Variants in ZNF500 observed in about 807,000 individuals in gnomAD.
The protein encoded by ZNF500 is zinc finger protein with KRAB and SCAN domains 18.
ZNF500 carries 31 observed loss-of-function variants against 30.1 expected under a neutral mutation model. The observed-to-expected ratio is 1.03, with a 90% CI of 0.77 to 1.39. The LOEUF is 1.39. Ranked by LOEUF, ZNF500 falls within the 40% of genes most tolerant of loss-of-function variation. The pLI is 0.00. For synonymous variants in ZNF500, 392 were observed against 282.0 expected (o/e 1.39, Z -3.91); for missense variants, 817 against 657.8 (o/e 1.24, Z -2.65).
chr16:4,752,462 G>C lies in ZNF500; in HGVS notation c.1357C>G (p.His453Asp), dbSNP rs550001884. 2.1e-5 allele frequency: 33 copies of C among 1,543,340 alleles called. No homozygotes were observed. The South Asian group carries it at 3.6e-4, about 17-fold the overall frequency. Residue 453 changes from histidine (H) to aspartate (D), a missense_variant, in exon 6 of 6, where the codon CAC (histidine) becomes GAC (aspartate). His to Asp is a moderately conservative substitution (Grantham distance 81). Coordinates refer to ENST00000219478, the MANE Select transcript of ZNF500 (RefSeq NM_021646.4). Reference protein sequence around the residue: ...GRGFRRGTDLHKHQRTHMGAG... With the variant: ...GRGFRRGTDLDKHQRTHMGAG... ...CCCATGTGGGTCCGCTGGTGCTTGT[G>C]CAGGTCGGTGCCCCGGCGGAAGCCC...
chr16:4,755,347 C>T (rs949154870), intron 5 of ZNF500, among the ~76,000 whole-genome samples: 1 of 151,994 alleles, frequency 6.6e-6, no homozygotes, highest in Non-Finnish European at 1.5e-5. Context: ...GATGGAGTCT[C>T]GCTCTGTCTT....
At chr16:4,762,828 C>T in intron 2 of ZNF500, 72 bp from the exon 3 acceptor site, 2 of 1,493,232 alleles carry the variant, frequency 1.3e-6, no homozygotes, top group Non-Finnish European at 1.8e-6. Context: ...GGGCCCCACA[C>T]CCCTCATCTC....
Position 4,753,069 on chromosome 16 carries a change from G to A in ZNF500, c.761-11C>T. 2 of 1,507,030 alleles carry A rather than the reference G, an allele frequency of 1.3e-6. No homozygotes were observed. Among genetic ancestry groups the A allele is most frequent in the Non-Finnish European group, 1.8e-6 (2 of 1,134,832 alleles). 93.4% of individuals were successfully genotyped at this position (1,507,030 alleles called of 1,614,324 possible). A position where few individuals can be genotyped will look rare whatever the true frequency, so the allele number is the denominator to read the frequency against. On this transcript the variant is annotated splice_polypyrimidine_tract_variant and intron_variant, in intron 5 of 5. Transcript: ENST00000219478. ...ACTGGATCCCAGGTCCTGAGACAGA[G>A]AAAGCACGATCTCTAGGAACTCACA...
intron 2 of ZNF500, chr16:4,763,910 G>A (rs1163578184): frequency 2.0e-6 from 2 of 985,436 alleles, no homozygotes; most frequent in Non-Finnish European, 2.4e-6. Flanking sequence ...CAGCAGCACT[G>A]CCACAGGAAG....
chr16:4,753,313 C>T (rs924462059), intron 5 of ZNF500: 9 of 587,192 alleles, frequency 1.5e-5, no homozygotes, highest in Admixed American at 3.9e-5. Flanking sequence ...ATAAACAAAA[C>T]TAGCTGGGCA....
downstream of ZNF500, chr16:4,746,644 A>G: frequency 7.9e-7 from 1 of 1,257,956 alleles, no homozygotes; most frequent in Non-Finnish European, 1.1e-6. Flanking sequence ...TCTCAATTGA[A>G]AAGTGCTGGC....
rs1392323922 is a variant in ZNF500, at chr16:4,749,442, G to C, written c.*2934C>G. On this transcript the variant is annotated 3_prime_UTR_variant, in exon 6 of 6. Coordinates refer to ENST00000219478, the MANE Select transcript of ZNF500 (RefSeq NM_021646.4). The stretch of plus-strand genomic sequence containing the variant: ...CAAGGCAAGGGGAGTGAGGTAGGAA[G>C]TCAGACCTGCGTCCAAAGCTGGCTC... 6.5e-6 allele frequency: 1 copy of C among 154,488 alleles called. No homozygotes were observed. Among genetic ancestry groups the C allele is most frequent in the Non-Finnish European group, 1.5e-5 (1 of 68,248 alleles). 9.6% of individuals were successfully genotyped at this position (154,488 alleles called of 1,614,324 possible).
Position 4,752,298 on chromosome 16 carries a change from G to A in ZNF500, c.*78C>T, listed in dbSNP as rs1013165306. 9.1e-6 allele frequency: 13 copies of A among 1,430,604 alleles called. No individual in the cohort carries two copies. Among genetic ancestry groups the A allele is most frequent in the African/African-American group, 2.9e-5 (2 of 69,588 alleles). The allele number at this position is 1,430,604 out of a possible 1,614,324, so 88.6% of individuals were successfully genotyped here. A position where few individuals can be genotyped will look rare whatever the true frequency, so the allele number is the denominator to read the frequency against. ...GAAACGGGCAGCTGGCAATGCTTTC[G>A]GACCAGGCTGTCTAGCAGTTTCCTG... On this transcript the variant is annotated 3_prime_UTR_variant, in exon 6 of 6. Coordinates refer to ENST00000219478, the MANE Select transcript of ZNF500 (RefSeq NM_021646.4).
intron 4 of ZNF500, 151 bp downstream of exon 4, chr16:4,762,120 G>T: frequency 2.2e-6 from 2 of 890,962 alleles, no homozygotes; most frequent in South Asian, 3.0e-5. Flanking sequence ...TGACTCCAGG[G>T]TTGGGGCAAA....
At chr16:4,745,952 C>CAAAAAA (rs58259917), downstream of ZNF500, among the ~76,000 whole-genome samples, 6 of 113,450 alleles carry the variant, frequency 5.3e-5, no homozygotes, top group Admixed American at 2.9e-4. Flanking sequence ...GACTCTGTCT[C>CAAAAAA]AAAAAAAAAA....
At chr16:4,766,865 G>A (rs2082269585) in intron 1 of ZNF500, 152 bp downstream of exon 1, 1 of 152,312 alleles carries the variant, frequency 6.6e-6, no homozygotes, top group South Asian at 2.1e-4. Flanking sequence ...TCCTGGGAGA[G>A]CTGGGACCCC....
chr16:4,757,510 G>C (rs1341018828), intron 5 of ZNF500, among the ~76,000 whole-genome samples: 1 of 152,024 alleles, frequency 6.6e-6, no homozygotes, highest in African/African-American at 2.4e-5. Flanking sequence ...ATATTGCTCA[G>C]GCTGGTCTTG....
intron 5 of ZNF500, among the ~76,000 whole-genome samples, chr16:4,757,418 T>A (rs1399997510): frequency 6.6e-6 from 1 of 151,924 alleles, no homozygotes; most frequent in Non-Finnish European, 1.5e-5. Context: ...GCTCAAGTGT[T>A]CCTCCCACCT....
chr16:4,762,985 T>C, intron 2 of ZNF500: 1 of 985,394 alleles, frequency 1.0e-6, no homozygotes, highest in Non-Finnish European at 1.2e-6. Context: ...CCCATCACAT[T>C]CTTACCCTCT....
Position 4,751,939 on chromosome 16 carries a change from G to A in ZNF500, c.*437C>T. ...AAAAGGGGGGGGGAGCAGGTGGGGG[G>A]TACACACAGAGACAGCGCACAGGGT... is the stretch of plus-strand genomic sequence containing the variant. On this transcript the variant is annotated 3_prime_UTR_variant, in exon 6 of 6. Transcript: ENST00000219478. 7.1e-6 allele frequency: 3 copies of A among 421,100 alleles called. No homozygotes were observed. The highest frequency in any genetic ancestry group is 7.1e-6 in the Non-Finnish European group (2 of 281,836). The allele number at this position is 421,100 out of a possible 1,614,324, so 26.1% of individuals were successfully genotyped here.
intron 2 of ZNF500, chr16:4,763,488 G>C (rs1305057620): frequency 1.1e-6 from 1 of 918,186 alleles, no homozygotes; most frequent in Admixed American, 6.2e-5. Flanking sequence ...AAGGTGAGTT[G>C]AATGAAATTG....
chr16:4,755,986 G>A (rs772768506), intron 5 of ZNF500, among the ~76,000 whole-genome samples: 26 of 152,276 alleles, frequency 1.7e-4, no homozygotes, highest in Non-Finnish European at 3.1e-4. Context: ...CTTTACAGAA[G>A]ACAACCAGAA....
At chr16:4,765,518 A>G (rs1468593304) in intron 2 of ZNF500, 47 bp downstream of exon 2, 1 of 1,538,646 alleles carries the variant, frequency 6.5e-7, no homozygotes, top group Admixed American at 2.0e-5. Flanking sequence ...AGACCCCAGC[A>G]GCAGGGCCCC....
chr16:4,759,996 G>A (rs2082179384), intron 5 of ZNF500, among the ~76,000 whole-genome samples: 1 of 152,204 alleles, frequency 6.6e-6, no homozygotes. Flanking sequence ...CCAAGGTTGT[G>A]CCACTGCACT....
Sources: gnomAD v4.1 joint callset for allele counts (sites outside exome capture counted in the v4.1 genomes callset) on GRCh38, gnomAD v4.1.1 for gene constraint, MANE v1.5 for transcripts, NCBI Gene and HGNC (gene_info 2026-07-23, HGNC 2026-07-21) for gene names.